EPHA6: variants seen among roughly 807,000 people sequenced by gnomAD.
The protein encoded by EPHA6 is EPH receptor A6.
EPHA6 carries 50 observed loss-of-function variants against 112.0 expected under a neutral mutation model. That is an observed-to-expected ratio of 0.45 (90% CI 0.36 to 0.56). The LOEUF (loss-of-function observed/expected upper bound fraction) is 0.56. Among genes scored for constraint, EPHA6 ranks in the 20% least tolerant of loss-of-function variants. EPHA6 has a pLI of 0.00. For synonymous variants in EPHA6, 529 were observed against 490.7 expected (o/e 1.08, Z -1.03); for missense variants, 1,280 against 1,417.4 (o/e 0.90, Z 1.56).
chr3:97,619,087 C>G (rs1051179173), intron 13 of EPHA6, among the ~76,000 whole-genome samples: 4 of 151,920 alleles, frequency 2.6e-5, no homozygotes, highest in Non-Finnish European at 5.9e-5. Flanking sequence ...TGTGATCATC[C>G]CCAGGGTGCA....
chr3:96,995,404 C>T (rs2043383544), intron 3 of EPHA6, among the ~76,000 whole-genome samples: 2 of 152,044 alleles, frequency 1.3e-5, no homozygotes, highest in South Asian at 4.1e-4. Flanking sequence ...TGAATATAAA[C>T]TCTTATATTA....
chr3:97,599,594 T>G (rs2093626056), intron 12 of EPHA6, among the ~76,000 whole-genome samples: 1 of 151,670 alleles, frequency 6.6e-6, no homozygotes, highest in Non-Finnish European at 1.5e-5. Context: ...CGGCGTTATT[T>G]CTGAGGGCTC....
intron 5 of EPHA6, among the ~76,000 whole-genome samples, chr3:97,306,888 A>AT (rs565998568): frequency 0.015 from 2,098 of 140,894 alleles, 33 homozygotes; most frequent in South Asian, 0.058. Context: ...TGTCACCTAC[A>AT]TTTTTTTTTT....
At chr3:97,057,950 T>C (rs2108109841) in intron 3 of EPHA6, among the ~76,000 whole-genome samples, 1 of 152,312 alleles carries the variant, frequency 6.6e-6, no homozygotes, top group South Asian at 2.1e-4. Flanking sequence ...GGGCCTATTA[T>C]ATGTTGCATT....
chr3:97,700,554 T>A (rs1484557396), intron 14 of EPHA6, among the ~76,000 whole-genome samples: 3 of 152,144 alleles, frequency 2.0e-5, no homozygotes, highest in Non-Finnish European at 4.4e-5. Context: ...CATTATTCCG[T>A]AATATTTGTG....
intron 3 of EPHA6, among the ~76,000 whole-genome samples, chr3:97,007,989 G>A (rs1205792371): frequency 6.6e-6 from 1 of 152,164 alleles, no homozygotes; most frequent in Non-Finnish European, 1.5e-5. Flanking sequence ...AGTCTGATGG[G>A]CTTCCCTTTG....
intron 3 of EPHA6, among the ~76,000 whole-genome samples, chr3:97,156,967 C>G (rs561943355): frequency 1.3e-5 from 2 of 151,954 alleles, no homozygotes; most frequent in South Asian, 4.1e-4. Context: ...TATTATTTAG[C>G]ACAGCAACTT....
At chr3:96,906,141 C>G (rs535911313) in intron 2 of EPHA6, among the ~76,000 whole-genome samples, 2 of 152,114 alleles carry the variant, frequency 1.3e-5, no homozygotes, top group Admixed American at 1.3e-4. Context: ...TTTTAAAAAA[C>G]TGAATTATCC....
chr3:97,035,108 T>G (rs1240710506), intron 3 of EPHA6, among the ~76,000 whole-genome samples: 3 of 151,926 alleles, frequency 2.0e-5, no homozygotes, highest in Non-Finnish European at 2.9e-5. Context: ...AAAACTCCTT[T>G]TAGAAATAAG....
At chr3:97,157,419 A>G (rs2076313660) in intron 3 of EPHA6, among the ~76,000 whole-genome samples, 1 of 152,158 alleles carries the variant, frequency 6.6e-6, no homozygotes, top group Non-Finnish European at 1.5e-5. Context: ...TATACCTGAA[A>G]TAATATTTCT....
chr3:97,110,868 G>T (rs1256214187), intron 3 of EPHA6, among the ~76,000 whole-genome samples: 1 of 152,060 alleles, frequency 6.6e-6, no homozygotes, highest in African/African-American at 2.4e-5. Context: ...AATTCAGAGA[G>T]TTAATGTGAC....
intron 2 of EPHA6, among the ~76,000 whole-genome samples, chr3:96,959,546 A>G (rs1446345833): frequency 6.6e-6 from 1 of 152,096 alleles, no homozygotes; most frequent in African/African-American, 2.4e-5. Context: ...TTTCCTTTTG[A>G]TGTCATATCT....
At chr3:97,010,757 C>A (rs1304185107) in intron 3 of EPHA6, among the ~76,000 whole-genome samples, 1 of 152,162 alleles carries the variant, frequency 6.6e-6, no homozygotes, top group Non-Finnish European at 1.5e-5. Flanking sequence ...CTCCCGGGTT[C>A]AAGTGATTCT....
chr3:97,075,607 A>G (rs1383819117), intron 3 of EPHA6, among the ~76,000 whole-genome samples: 1 of 152,082 alleles, frequency 6.6e-6, no homozygotes, highest in African/African-American at 2.4e-5. Context: ...TAATGGAAAC[A>G]TGCTGGACAT....
chr3:97,515,955 AC>A lies in EPHA6; in HGVS notation c.2201-16402del, dbSNP rs1304420322. Among the ~76,000 whole-genome samples, 449 of 151,974 alleles carry A rather than the reference AC, an allele frequency of 3.0e-3. 4 individuals are homozygous for A. The highest frequency in any genetic ancestry group is 0.011 in the African/African-American group (439 of 41,480). On this transcript the variant is annotated intron_variant, in intron 10 of 17. Transcript: ENST00000389672. ...TGATAAGAAAGTTAAAAAAAAAAAA[AC>A]ACCTCATTCTCAGGTCTTAAAGAAA...
intron 4 of EPHA6, among the ~76,000 whole-genome samples, chr3:97,237,345 A>G (rs1434541305): frequency 6.6e-6 from 1 of 152,062 alleles, no homozygotes; most frequent in Non-Finnish European, 1.5e-5. Context: ...TCGTTTCCCC[A>G]ATTATAAATT....
chr3:96,983,987 G>T (rs9822314), intron 2 of EPHA6, among the ~76,000 whole-genome samples: 1 of 151,992 alleles, frequency 6.6e-6, no homozygotes, highest in South Asian at 2.1e-4. Context: ...GCTTCTTTGC[G>T]ATGGGTTCTA....
intron 6 of EPHA6, 121 bp downstream of exon 6, chr3:97,405,395 A>G (rs2087273646): frequency 1.3e-6 from 1 of 776,832 alleles, no homozygotes; most frequent in Non-Finnish European, 2.0e-6. Context: ...GCCTAGCCTC[A>G]TACCTTCTGT....
chr3:96,964,603 G>A (rs1032770283), intron 2 of EPHA6, among the ~76,000 whole-genome samples: 1 of 151,872 alleles, frequency 6.6e-6, no homozygotes, highest in Admixed American at 6.6e-5. Flanking sequence ...GACTGTTTTA[G>A]CACTGATTGA....
Sources: gnomAD v4.1 joint callset for allele counts (sites outside exome capture counted in the v4.1 genomes callset) on GRCh38, gnomAD v4.1.1 for gene constraint, MANE v1.5 for transcripts, NCBI Gene and HGNC (gene_info 2026-07-23, HGNC 2026-07-21) for gene names.